ZNF729: variants seen among roughly 807,000 people sequenced by gnomAD.
The protein encoded by ZNF729 is zinc finger protein 729.
Under a neutral mutation model 12.2 loss-of-function variants are expected in ZNF729, and 15 were observed. The observed-to-expected ratio is 1.23, with a 90% CI of 0.82 to 1.89. The LOEUF (loss-of-function observed/expected upper bound fraction) is 1.89. Ranked by LOEUF, ZNF729 falls within the 40% of genes most tolerant of loss-of-function variation. ZNF729 has a pLI of 0.00. For missense variants in ZNF729, 1,540 were observed against 1,456.7 expected (o/e 1.06, Z -0.93); for synonymous variants, 492 against 476.3 (o/e 1.03, Z -0.43).
chr19:22,286,670 G>C, intron 1 of ZNF729, 115 bp downstream of exon 1: 1 of 1,356,918 alleles, frequency 7.4e-7, no homozygotes, highest in Non-Finnish European at 1.1e-6. Flanking sequence ...TCTGCGCCTG[G>C]AGTTCTTTCC....
chr19:22,287,628 C>T (rs1320096087), intron 1 of ZNF729, among the ~76,000 whole-genome samples: 1 of 151,626 alleles, frequency 6.6e-6, no homozygotes, highest in African/African-American at 2.4e-5. Context: ...AATTGCCTGC[C>T]ACTTAATTAT....
At chr19:22,287,273 T>C (rs1231115888) in intron 1 of ZNF729, among the ~76,000 whole-genome samples, 1 of 151,986 alleles carries the variant, frequency 6.6e-6, no homozygotes, top group African/African-American at 2.4e-5. Context: ...GATTTTTTTT[T>C]TTCTTTTTTT....
At chr19:22,294,224 G>A (rs1599752653) in intron 1 of ZNF729, among the ~76,000 whole-genome samples, 1 of 152,166 alleles carries the variant, frequency 6.6e-6, no homozygotes, top group East Asian at 1.9e-4. Context: ...ATTAAATAGG[G>A]AATTCTTCCC....
rs555531483 is a variant in ZNF729, at chr19:22,303,437, C to T, written c.31-321C>T. 1.7e-4 allele frequency among the ~76,000 whole-genome samples: 26 copies of T among 152,264 alleles called. No homozygotes were observed. The South Asian group carries it at 5.0e-3, about 29-fold the overall frequency. On this transcript the variant is annotated intron_variant, in intron 1 of 3. Transcript: ENST00000601693. ...ATGTCTTTTTGATCTGAAAAATATACAAGACTTATTCTGTATGATGTAAAT... is the reference window on the plus strand; with the variant it reads ...ATGTCTTTTTGATCTGAAAAATATATAAGACTTATTCTGTATGATGTAAAT...
intron 2 of ZNF729, 49 bp from the exon 3 acceptor site, chr19:22,304,639 A>G: frequency 6.7e-7 from 1 of 1,483,562 alleles, no homozygotes; most frequent in Non-Finnish European, 9.2e-7. Context: ...TGAGCATATT[A>G]TTTGGGTAAT....
chr19:22,308,937 T>C (rs1206140119), intron 3 of ZNF729, among the ~76,000 whole-genome samples: 1 of 152,202 alleles, frequency 6.6e-6, no homozygotes, highest in Non-Finnish European at 1.5e-5. Flanking sequence ...TCTTTGTTTT[T>C]ATTGCATTTG....
At chr19:22,310,651 G>A (rs1280838314) in intron 3 of ZNF729, among the ~76,000 whole-genome samples, 1 of 152,042 alleles carries the variant, frequency 6.6e-6, no homozygotes, top group Non-Finnish European at 1.5e-5. Flanking sequence ...TCAGTCTGTG[G>A]TTTTCTTTTT....
chr19:22,301,706 G>C (rs1422456195), intron 1 of ZNF729, among the ~76,000 whole-genome samples: 1 of 152,310 alleles, frequency 6.6e-6, no homozygotes, highest in Non-Finnish European at 1.5e-5. Flanking sequence ...GAGACTCCAG[G>C]TATAAATAAA....
At chr19:22,310,141 A>G (rs1489715697) in intron 3 of ZNF729, among the ~76,000 whole-genome samples, 1 of 152,110 alleles carries the variant, frequency 6.6e-6, no homozygotes, top group Non-Finnish European at 1.5e-5. Flanking sequence ...AAAGTGAACA[A>G]TCATATCATC....
chr19:22,288,497 A>C (rs918000723), intron 1 of ZNF729, among the ~76,000 whole-genome samples: 7 of 152,028 alleles, frequency 4.6e-5, no homozygotes, highest in African/African-American at 1.7e-4. Flanking sequence ...TGTCTGCTAG[A>C]GTGTCTAGTG....
At chr19:22,293,646 C>G (rs529933853) in intron 1 of ZNF729, among the ~76,000 whole-genome samples, 1 of 151,556 alleles carries the variant, frequency 6.6e-6, no homozygotes, top group South Asian at 2.1e-4. Flanking sequence ...GTGTCCACCA[C>G]CACACGTGGC....
chr19:22,315,960 G>C lies in ZNF729; in HGVS notation c.2543G>C (p.Gly848Ala), dbSNP rs1968531319. The change falls in exon 4 of 4, where the codon GGA becomes GCA. Residue 848 changes from glycine (G) to alanine (A), a missense_variant. Physicochemically the swap from Gly to Ala is moderately conservative, Grantham distance 60. Coordinates refer to ENST00000601693, the MANE Select transcript of ZNF729 (RefSeq NM_001242680.2). ...ALRKHKVIHT[G>A]KKPYKCEECG... ...AGAAAACATAAGGTAATTCATACTG[G>C]AAAGAAACCCTACAAATGTGAAGAA... The C allele has an allele frequency of 6.2e-7, 1 of 1,610,606 alleles. No homozygotes were observed. The highest frequency in any genetic ancestry group is 2.2e-5 in the East Asian group (1 of 44,786).
intron 3 of ZNF729, among the ~76,000 whole-genome samples, chr19:22,308,251 T>G (rs553963109): frequency 5.3e-5 from 8 of 152,328 alleles, no homozygotes; most frequent in Non-Finnish European, 1.0e-4. Flanking sequence ...CACAGTTTCT[T>G]TATCCACTCA....
Position 22,314,022 on chromosome 19 carries a change from A to G in ZNF729, c.605A>G (p.His202Arg). Residue 202 changes from histidine (H) to arginine (R), a missense_variant, in exon 4 of 4, where the codon CAT becomes CGT. Coordinates refer to ENST00000601693, the MANE Select transcript of ZNF729 (RefSeq NM_001242680.2). ...TGCTTAATTCGACATAAGAGAATTC[A>G]TATTAGACAGAATATCTACAAATGT... Reference protein sequence around the residue: ...LSCLIRHKRIHIRQNIYKCEE... With the variant: ...LSCLIRHKRIRIRQNIYKCEE... 6.5e-7 allele frequency: 1 copy of G among 1,541,294 alleles called. No individual in the cohort carries two copies. The highest frequency in any genetic ancestry group is 8.7e-7 in the Non-Finnish European group (1 of 1,145,990).
chr19:22,286,999 C>G (rs866853493), intron 1 of ZNF729, among the ~76,000 whole-genome samples: 2 of 152,092 alleles, frequency 1.3e-5, no homozygotes, highest in African/African-American at 4.8e-5. Flanking sequence ...CAAAGTGATT[C>G]AAAAATTGTA....
intron 1 of ZNF729, among the ~76,000 whole-genome samples, chr19:22,290,258 G>T (rs1395094850): frequency 6.6e-6 from 1 of 152,232 alleles, no homozygotes. Flanking sequence ...GCCTTGGAAA[G>T]TTGGGGACCC....
intron 1 of ZNF729, among the ~76,000 whole-genome samples, chr19:22,300,785 T>G (rs1599755006): frequency 6.6e-6 from 1 of 152,332 alleles, no homozygotes; most frequent in East Asian, 1.9e-4. Flanking sequence ...GTAACATATG[T>G]GCATTGAGTA....
At chr19:22,290,651 A>G (rs1968140593) in intron 1 of ZNF729, among the ~76,000 whole-genome samples, 1 of 152,208 alleles carries the variant, frequency 6.6e-6, no homozygotes, top group South Asian at 2.1e-4. Flanking sequence ...AGGGTAGCTT[A>G]AAGTTCAGAA....
chr19:22,308,308 A>G (rs1968410092), intron 3 of ZNF729, among the ~76,000 whole-genome samples: 1 of 152,096 alleles, frequency 6.6e-6, no homozygotes, highest in Admixed American at 6.5e-5. Context: ...TGATTTTGCT[A>G]TTGTGAATCA....
Sources: allele counts gnomAD v4.1 joint callset (sites outside exome capture counted in the v4.1 genomes callset), GRCh38; gene constraint gnomAD v4.1.1; transcripts MANE v1.5; gene names NCBI Gene and HGNC (gene_info 2026-07-23, HGNC 2026-07-21).